Variants in KDM6A observed in about 807,000 individuals in gnomAD.
The protein encoded by KDM6A is lysine demethylase 6A, also known as lysine-specific demethylase 6A.
KDM6A carries 11 observed loss-of-function variants against 117.6 expected under a neutral mutation model. The ratio of observed to expected loss-of-function variants is 0.09; its 90% CI spans 0.06 to 0.15. KDM6A has a LOEUF of 0.15. Ranked by LOEUF, KDM6A falls within the 10% of genes least tolerant of loss-of-function variation. KDM6A has a pLI of 1.00. For missense variants in KDM6A, 799 were observed against 1,077.3 expected (o/e 0.74, Z 3.62); for synonymous variants, 384 against 396.1 (o/e 0.97, Z 0.36).
chrX:45,046,599 G>T (rs781109909), intron 8 of KDM6A, among the ~76,000 whole-genome samples: 29 of 111,868 alleles, frequency 2.6e-4, no homozygotes, highest in Non-Finnish European at 4.1e-4. Context: ...ACTTTAGAGA[G>T]ATACTGTGAC....
chrX:45,087,857 TC>T (rs1366165995), intron 25 of KDM6A, among the ~76,000 whole-genome samples: 1 of 111,939 alleles, frequency 8.9e-6, no homozygotes, highest in Non-Finnish European at 1.9e-5. Context: ...ATCTAATAAC[TC>T]AGTTGTGAAA....
At chrX:45,100,187 G>C (rs889562622) in intron 27 of KDM6A, among the ~76,000 whole-genome samples, 1 of 111,870 alleles carries the variant, frequency 8.9e-6, no homozygotes, top group African/African-American at 3.3e-5. Context: ...TTTTGCCTCT[G>C]AAGTATTTTT....
chrX:45,073,165 T>G (rs899542330), intron 18 of KDM6A, among the ~76,000 whole-genome samples: 7 of 110,900 alleles, frequency 6.3e-5, no homozygotes, highest in African/African-American at 2.3e-4. Context: ...GAATGATGGT[T>G]TCCAGCTTCA....
At chrX:45,104,940 T>A (rs983300884) in intron 27 of KDM6A, among the ~76,000 whole-genome samples, 2 of 111,950 alleles carry the variant, frequency 1.8e-5, no homozygotes, top group African/African-American at 6.5e-5. Flanking sequence ...CTGCCTTTTT[T>A]AAGATGAAAC....
chrX:44,899,224 CGTGTGTGTGTGTGTGTGTGT>C (rs572085670), intron 2 of KDM6A, among the ~76,000 whole-genome samples: 1 of 49,277 alleles, frequency 2.0e-5, no homozygotes, highest in Non-Finnish European at 3.6e-5. Flanking sequence ...TGTGTGTATG[CGTGTGTGTGTGTGTGTGTGT>C]GTGTGTGTGT....
intron 4 of KDM6A, among the ~76,000 whole-genome samples, chrX:45,000,499 T>C (rs2041083374): frequency 1.8e-5 from 2 of 111,806 alleles, no homozygotes; most frequent in Admixed American, 1.9e-4. Flanking sequence ...GACTAAAGCA[T>C]AAGTGCCACT....
intron 4 of KDM6A, among the ~76,000 whole-genome samples, chrX:45,009,086 C>T (rs905418986): frequency 3.6e-5 from 4 of 112,027 alleles, no homozygotes; most frequent in Non-Finnish European, 7.5e-5. Context: ...GGGTCCTGAT[C>T]CAAACCCCAG....
chrX:45,104,206 T>TA (rs759264829), intron 27 of KDM6A, among the ~76,000 whole-genome samples: 12 of 111,486 alleles, frequency 1.1e-4, no homozygotes, highest in Non-Finnish European at 2.1e-4. Context: ...GTATGTTTAG[T>TA]AGAGACGGGG....
intron 5 of KDM6A, among the ~76,000 whole-genome samples, chrX:45,016,485 GTATGTATGTATGTATT>G (rs1275163681): frequency 6.4e-5 from 7 of 109,103 alleles, no homozygotes; most frequent in African/African-American, 2.4e-4. Flanking sequence ...ATGTATGTAT[GTATGTATGTATGTATT>G]TGTTTATTTA....
At chrX:45,088,916 G>A (rs1265672454) in intron 25 of KDM6A, among the ~76,000 whole-genome samples, 4 of 112,406 alleles carry the variant, frequency 3.6e-5, no homozygotes, top group African/African-American at 1.3e-4. Context: ...TTTTGCTGAA[G>A]TTGTTTTGAA....
intron 6 of KDM6A, among the ~76,000 whole-genome samples, chrX:45,033,113 A>G (rs746939279): frequency 8.9e-6 from 1 of 112,161 alleles, no homozygotes; most frequent in East Asian, 2.8e-4. Context: ...TCTTCTATCT[A>G]AATATTTATG....
rs1007509134 is a variant in KDM6A at position 44,873,598 on chromosome X, C to G, written c.47C>G (p.Ala16Gly). ...CTCGCTACCGCCGCCGCTGCCGCCG[C>G]CGCTTTCGGTGATGAGGAAAAGAAA... Reference protein sequence around the residue: ...VSLATAAAAAAAFGDEEKKMA... With the variant: ...VSLATAAAAAGAFGDEEKKMA... The change falls in exon 1 of 30, where the codon GCC becomes GGC. Residue 16 changes from alanine (A) to glycine (G), a missense_variant. Physicochemically the swap from Ala to Gly is moderately conservative, Grantham distance 60. This residue lies in a region of KDM6A where 89 missense variants were observed against 117.8 expected (regional missense o/e 0.76). Transcript: ENST00000611820. 5.0e-6 allele frequency: 6 copies of G among 1,206,217 alleles called. No individual in the cohort carries two copies. In the African/African-American group the frequency reaches 5.2e-5, roughly 10 times the overall value.
chrX:45,027,129 T>TGA (rs200110078), intron 6 of KDM6A, among the ~76,000 whole-genome samples: 6 of 108,493 alleles, frequency 5.5e-5, no homozygotes, highest in South Asian at 4.3e-4. Flanking sequence ...GGCAACATAG[T>TGA]GAGAGAGAGA....
Position 44,943,360 on chromosome X carries a change from A to T in KDM6A, c.226-17924A>T, listed in dbSNP as rs774131075. Among the ~76,000 whole-genome samples the T allele has an allele frequency of 2.3e-4, 24 of 102,290 alleles. No homozygotes were observed. The East Asian group carries it at 6.6e-3, about 28-fold the overall frequency. The allele number at this position is 102,290 out of a possible 115,157, so 88.8% of individuals were successfully genotyped here. A position where few individuals can be genotyped will look rare whatever the true frequency, so the allele number is the denominator to read the frequency against. ...AAAAGCAATATTTTATTGCTAAAAA[A>T]AGTGTCAGCATTTTTTAGCAATAAA... On this transcript the variant is annotated intron_variant, in intron 2 of 29. Coordinates refer to ENST00000611820, the MANE Select transcript of KDM6A (RefSeq NM_001291415.2).
chrX:45,100,873 C>G (rs1395960950), intron 27 of KDM6A, among the ~76,000 whole-genome samples: 1 of 106,651 alleles, frequency 9.4e-6, no homozygotes, highest in Non-Finnish European at 1.9e-5. Flanking sequence ...AAAATAAAGA[C>G]AGGATCTCCC....
intron 27 of KDM6A, among the ~76,000 whole-genome samples, chrX:45,094,473 A>G (rs992920612): frequency 8.9e-6 from 1 of 111,955 alleles, no homozygotes; most frequent in Non-Finnish European, 1.9e-5. Flanking sequence ...CAGTTCATCC[A>G]TAAAATAGCA....
intron 5 of KDM6A, among the ~76,000 whole-genome samples, chrX:45,016,556 G>T (rs2041979261): frequency 9.0e-6 from 1 of 111,099 alleles, no homozygotes; most frequent in African/African-American, 3.3e-5. Context: ...CTGGAGTGCA[G>T]TGGCACAATC....
chrX:44,954,113 C>T (rs1455828999), intron 2 of KDM6A, among the ~76,000 whole-genome samples: 2 of 108,018 alleles, frequency 1.9e-5, no homozygotes, highest in East Asian at 5.8e-4. Context: ...ACTCTTTCCT[C>T]ATTAAAAAAA....
At chrX:45,046,428 A>G in intron 8 of KDM6A, among the ~76,000 whole-genome samples, 1 of 112,004 alleles carries the variant, frequency 8.9e-6, no homozygotes, top group Non-Finnish European at 1.9e-5. Flanking sequence ...TTGGTATTAT[A>G]CTATAGGTAT....
Sources: gnomAD v4.1 joint callset for allele counts (sites outside exome capture counted in the v4.1 genomes callset) on GRCh38, gnomAD v4.1.1 for gene constraint, gnomAD v4.1.1 regional missense constraint, MANE v1.5 for transcripts, NCBI Gene and HGNC (gene_info 2026-07-23, HGNC 2026-07-21) for gene names.